The following STIM1 variants were observed in gnomAD, a reference collection of about 807,000 sequenced individuals.
STIM1 encodes stromal interaction molecule 1.
STIM1 carries 25 observed loss-of-function variants against 74.7 expected under a neutral mutation model. That is an observed-to-expected ratio of 0.33 (90% CI 0.24 to 0.47). The LOEUF is 0.47. Ranked by LOEUF, STIM1 falls within the 20% of genes least tolerant of loss-of-function variation. STIM1 has a pLI of 1.00. For synonymous variants in STIM1, 328 were observed against 348.8 expected, an observed-to-expected ratio of 0.94 and a Z score of 0.66; for missense variants, 728 against 920.8, an observed-to-expected ratio of 0.79 and a Z score of 2.71.
chr11:3,900,874 C>T (rs1221529517), intron 1 of STIM1, among the ~76,000 whole-genome samples: 2 of 152,158 alleles, frequency 1.3e-5, no homozygotes, highest in African/African-American at 2.4e-5. Flanking sequence ...CTGTGGCTGG[C>T]CCAATGCATT....
intron 1 of STIM1, among the ~76,000 whole-genome samples, chr11:3,933,343 T>A (rs1012380152): frequency 6.6e-6 from 1 of 152,236 alleles, no homozygotes; most frequent in South Asian, 2.1e-4. Flanking sequence ...GTGATTTGTA[T>A]TCTTTATTTC....
intron 1 of STIM1, among the ~76,000 whole-genome samples, chr11:3,933,991 C>T (rs1590579078): frequency 6.6e-6 from 1 of 152,162 alleles, no homozygotes; most frequent in African/African-American, 2.4e-5. Context: ...CTTAATGTCC[C>T]TTTTCCAGGG....
chr11:3,893,472 G>T (rs1476556913), intron 1 of STIM1, among the ~76,000 whole-genome samples: 1 of 152,128 alleles, frequency 6.6e-6, no homozygotes, highest in African/African-American at 2.4e-5. Context: ...GGCATCATAG[G>T]ACATAAACCT....
chr11:3,861,908 G>A (rs553409964), intron 1 of STIM1, among the ~76,000 whole-genome samples: 1 of 152,166 alleles, frequency 6.6e-6, no homozygotes, highest in Non-Finnish European at 1.5e-5. Context: ...GACCCAAGGG[G>A]CCCCTCTGGT....
At chr11:4,081,504 G>A (rs1352133846) in intron 7 of STIM1, among the ~76,000 whole-genome samples, 4 of 152,198 alleles carry the variant, frequency 2.6e-5, no homozygotes, top group African/African-American at 7.2e-5. Context: ...AATCATAGAC[G>A]CAGTCTCTGG....
At chr11:3,895,583 C>T (rs1170977822) in intron 1 of STIM1, among the ~76,000 whole-genome samples, 2 of 140,976 alleles carry the variant, frequency 1.4e-5, no homozygotes, top group African/African-American at 2.8e-5. Flanking sequence ...CTCTGGGTTC[C>T]GGGAATAGTG....
chr11:3,990,163 C>CT (rs746885530), intron 2 of STIM1, among the ~76,000 whole-genome samples: 2 of 152,188 alleles, frequency 1.3e-5, no homozygotes, highest in Admixed American at 6.5e-5. Flanking sequence ...TCTGTTGTAA[C>CT]TAGCTTTTTT....
At chr11:3,967,511 G>A in intron 1 of STIM1, 41 bp from the exon 2 acceptor site, 1 of 1,613,632 alleles carries the variant, frequency 6.2e-7, no homozygotes, top group Non-Finnish European at 8.5e-7. Flanking sequence ...GGTTCTGGGT[G>A]GCAGCTCTGA....
intron 1 of STIM1, among the ~76,000 whole-genome samples, chr11:3,947,005 G>T (rs962295608): frequency 6.6e-6 from 1 of 151,980 alleles, no homozygotes; most frequent in Non-Finnish European, 1.5e-5. Context: ...TCTTTTGGGG[G>T]GGTCTTAGTT....
chr11:3,973,030 T>G, intron 2 of STIM1: 1 of 475,414 alleles, frequency 2.1e-6, no homozygotes, highest in Non-Finnish European at 4.2e-6. Flanking sequence ...ATCGTTGTTA[T>G]AGCTGTGAGA....
At chr11:3,865,347 G>T (rs955324958) in intron 1 of STIM1, among the ~76,000 whole-genome samples, 4 of 152,186 alleles carry the variant, frequency 2.6e-5, no homozygotes, top group African/African-American at 9.7e-5. Flanking sequence ...TTCTCACTCT[G>T]TTGTGGAGCC....
chr11:4,059,512 T>C (rs1484539662), intron 5 of STIM1, 116 bp downstream of exon 5: 1 of 780,466 alleles, frequency 1.3e-6, no homozygotes, highest in African/African-American at 1.7e-5. Flanking sequence ...ATAGCACCTA[T>C]ACTATTTCCA....
chr11:3,933,890 T>C (rs1376051143), intron 1 of STIM1, among the ~76,000 whole-genome samples: 1 of 152,188 alleles, frequency 6.6e-6, no homozygotes, highest in Non-Finnish European at 1.5e-5. Flanking sequence ...GAAAAAGGCA[T>C]TGGGGCTTGG....
chr11:3,989,019 G>A lies in STIM1; in HGVS notation c.270+21337G>A, dbSNP rs796510004. The A allele has an allele frequency of 9.2e-5, 78 of 851,964 alleles. 1 individual carries two copies. The highest frequency in any genetic ancestry group is 6.4e-4 in the African/African-American group (38 of 59,284). The allele number at this position is 851,964 out of a possible 1,614,324, so 52.8% of individuals were successfully genotyped here. ...AGCATTTACACTTAAAAGATGGGAT[G>A]AGGTGGGATTCCCTCCTTCTTAAAA... On this transcript the variant is annotated intron_variant, in intron 2 of 12. Coordinates refer to ENST00000526596, the MANE Select transcript of STIM1 (RefSeq NM_001382567.1).
At chr11:3,873,511 C>A (rs957336761) in intron 1 of STIM1, among the ~76,000 whole-genome samples, 1 of 151,228 alleles carries the variant, frequency 6.6e-6, no homozygotes, top group East Asian at 1.9e-4. Flanking sequence ...AAGCGATCCT[C>A]GCACCTCGGC....
At chr11:3,968,818 A>G (rs2093364422) in intron 2 of STIM1, among the ~76,000 whole-genome samples, 1 of 152,360 alleles carries the variant, frequency 6.6e-6, no homozygotes, top group Admixed American at 6.5e-5. Flanking sequence ...ACTAGCTCTC[A>G]TTGATTGAAC....
At position 4,080,059 on chromosome 11, in the gene STIM1, G is replaced by GAAAT. The variant is rs142489170; in HGVS notation, c.970-2099_970-2096dup. Among the ~76,000 whole-genome samples the GAAAT allele has an allele frequency of 7.2e-3, 1,094 of 151,518 alleles. 7 individuals carry two copies. Among genetic ancestry groups the GAAAT allele is most frequent in the African/African-American group, 0.017 (691 of 41,156 alleles). On this transcript the variant is annotated intron_variant, in intron 7 of 12. Coordinates refer to ENST00000526596, the MANE Select transcript of STIM1 (RefSeq NM_001382567.1). The stretch of plus-strand genomic sequence containing the variant: ...CATGGCAAAACCCTGTCTCTACCAA[G>GAAAT]AAATAAATAAATAAATAAATAAATA...
In STIM1 at chr11:4,091,459, T is replaced by A; in HGVS notation, c.1812T>A (p.Pro604=). The A allele has an allele frequency of 6.2e-7, 1 of 1,614,184 alleles. No individual in the cohort carries two copies. The highest frequency in any genetic ancestry group is 8.5e-7 in the Non-Finnish European group (1 of 1,180,032). Residue 604 remains proline, a synonymous_variant, in exon 13 of 13, where the codon CCT becomes CCA. Coordinates refer to ENST00000526596, the MANE Select transcript of STIM1 (RefSeq NM_001382567.1). ...CAGGGTCTCTGGTGGAGAAACTGCCTGACAGCCCTGCCCTGGCCAAGAAGG... is the reference window on the plus strand; with the variant it reads ...CAGGGTCTCTGGTGGAGAAACTGCCAGACAGCCCTGCCCTGGCCAAGAAGG... The part of the protein sequence containing the change: ...VHPGSLVEKL[P]DSPALAKKAL...
chr11:4,027,960 G>T (rs931925125), intron 3 of STIM1, among the ~76,000 whole-genome samples: 3 of 152,166 alleles, frequency 2.0e-5, no homozygotes, highest in Non-Finnish European at 4.4e-5. Context: ...ATGATGGGAG[G>T]CACTGACCTA....
Sources: gnomAD v4.1 joint callset for allele counts (sites outside exome capture counted in the v4.1 genomes callset) on GRCh38, gnomAD v4.1.1 for gene constraint, MANE v1.5 for transcripts, NCBI Gene and HGNC (gene_info 2026-07-23, HGNC 2026-07-21) for gene names.